Variants in CAMK2G observed in about 807,000 individuals in gnomAD.
The protein encoded by CAMK2G is calcium/calmodulin-dependent protein kinase type II subunit gamma.
In CAMK2G, 23 loss-of-function variants were observed where a neutral mutation model predicts 88.7. The observed-to-expected ratio is 0.26, with a 90% CI of 0.19 to 0.37. The LOEUF (loss-of-function observed/expected upper bound fraction) is 0.37. CAMK2G is among the 10% of genes least tolerant of loss of function. The pLI is 1.00. For missense variants in CAMK2G, 476 were observed against 780.8 expected (o/e 0.61, Z 4.65); for synonymous variants, 263 against 294.8 (o/e 0.89, Z 1.11).
In CAMK2G at chr10:73,844,095, A is replaced by ATGT. The variant is rs1247368836; in HGVS notation, c.820-1555_820-1554insACA. Among the ~76,000 whole-genome samples, 8 of 145,730 alleles carry ATGT rather than the reference A, an allele frequency of 5.5e-5. No individual in the cohort carries two copies. In the East Asian group the frequency reaches 1.6e-3, roughly 29 times the overall value. On this transcript the variant is annotated intron_variant, in intron 10 of 22. Transcript: ENST00000423381. The stretch of plus-strand genomic sequence containing the variant: ...GTTAAGCCTCTCCTTAAACAAAAAA[A>ATGT]TTTTTTTTTTTTTTTGAAACAGCAT...
At position 73,853,571 on chromosome 10, in the gene CAMK2G, G is replaced by A. The variant is rs115192011; in HGVS notation, c.221-325C>T. 8.2e-3 allele frequency among the ~76,000 whole-genome samples: 1,245 copies of A among 152,370 alleles called. 15 individuals are homozygous for A. The highest frequency in any genetic ancestry group is 0.028 in the African/African-American group (1,184 of 41,586). ...TGGTCCTGGGATATGATGCACGATGGTGAGATGCAGCGTGAGCAGCACCTA... is the reference window on the plus strand; with the variant it reads ...TGGTCCTGGGATATGATGCACGATGATGAGATGCAGCGTGAGCAGCACCTA... On this transcript the variant is annotated intron_variant, in intron 3 of 22. Transcript: ENST00000423381.
At position 73,873,099 on chromosome 10, in the gene CAMK2G, GA is replaced by G; in HGVS notation, c.66-17del. 6.4e-7 allele frequency: 1 copy of G among 1,552,362 alleles called. No individual in the cohort carries two copies. The highest frequency in any genetic ancestry group is 8.9e-7 in the Non-Finnish European group (1 of 1,123,970). ...GAAAGCACCCCTGGAGGGAGAAGGG[GA>G]AAAGAACTGGGACACGGAGCAGGGC... On this transcript the variant is annotated splice_polypyrimidine_tract_variant and intron_variant, in intron 1 of 22. Transcript: ENST00000423381.
rs1402659642 is a variant in CAMK2G at position 73,873,062 on chromosome 10, G to C, written c.87C>G (p.Arg29=). ...GCGTGGAGGTTTTCTTCACACACCT[G>C]CGGACCACAGAGAAAGCACCCCTGG... ...ELGKGAFSVV[R]RCVKKTSTQE... The change falls in exon 2 of 23, where the codon CGC becomes CGG. Residue 29 remains arginine (R), a synonymous_variant. Transcript: ENST00000423381. 2 of 1,612,752 alleles carry C rather than the reference G, an allele frequency of 1.2e-6. No individual in the cohort carries two copies. The highest frequency in any genetic ancestry group is 3.3e-5 in the Admixed American group (2 of 59,986).
chr10:73,845,689 C>A lies in CAMK2G; in HGVS notation c.819+1536G>T, dbSNP rs544148677. Among the ~76,000 whole-genome samples the A allele has an allele frequency of 2.0e-5, 3 of 152,170 alleles. No individual in the cohort carries two copies. In the East Asian group the frequency reaches 5.8e-4, roughly 29 times the overall value. The stretch of plus-strand genomic sequence containing the variant: ...CTCTCCGCTCAACTTGAAACCTGGC[C>A]TCTCTCTTCTTTGCTCCCCCCAAAT... On this transcript the variant is annotated intron_variant, in intron 10 of 22. Transcript: ENST00000423381.
chr10:73,861,319 C>T (rs940080008), intron 2 of CAMK2G, among the ~76,000 whole-genome samples: 15 of 152,318 alleles, frequency 9.8e-5, no homozygotes, highest in African/African-American at 3.1e-4. Context: ...GTGCTCTTTC[C>T]ACCACAACAG....
Position 73,821,865 on chromosome 10 carries a change from GCTGT to G in CAMK2G, c.1201-139_1201-136del, listed in dbSNP as rs1363669157. 3 of 706,942 alleles carry G rather than the reference GCTGT, an allele frequency of 4.2e-6. No individual in the cohort carries two copies. In the East Asian group the frequency reaches 8.1e-5, roughly 19 times the overall value. The allele number at this position is 706,942 out of a possible 1,614,324, so 43.8% of individuals were successfully genotyped here. ...TGTGGAAGGTTCTGCTTCCACCCTG[GCTGT>G]CTGACTCTTCCCAAATCCCCTCCCT... On this transcript the variant is annotated intron_variant, in intron 17 of 22. Transcript: ENST00000423381.
At position 73,842,585 on chromosome 10, in the gene CAMK2G, C is replaced by A; in HGVS notation, c.820-44G>T. 1 of 1,382,990 alleles carries A rather than the reference C, an allele frequency of 7.2e-7. No homozygotes were observed. The highest frequency in any genetic ancestry group is 1.0e-6 in the Non-Finnish European group (1 of 970,398). The allele number at this position is 1,382,990 out of a possible 1,614,324, so 85.7% of individuals were successfully genotyped here. ...GGCTATGAGCCCCAGCCCAGATCCT[C>A]TGCGCCTCCCACAGTCCTGGCACCG... On this transcript the variant is annotated intron_variant, in intron 10 of 22. Coordinates refer to ENST00000423381, the MANE Select transcript of CAMK2G (RefSeq NM_001367534.1). This position sits in a 1 kb window ranked among gnomAD's most constrained non-coding sequence, Gnocchi z 4.6.
At chr10:73,871,699 G>C (rs902695039) in intron 2 of CAMK2G, among the ~76,000 whole-genome samples, 1 of 151,882 alleles carries the variant, frequency 6.6e-6, no homozygotes, top group African/African-American at 2.4e-5. Context: ...GGTACCCAGA[G>C]AGAAAGAAAA....
intron 14 of CAMK2G, among the ~76,000 whole-genome samples, chr10:73,833,600 CTTTT>C (rs60516273): frequency 7.0e-6 from 1 of 143,868 alleles, no homozygotes. Flanking sequence ...ATCTATCTTC[CTTTT>C]TTTTTTTTTG....
At chr10:73,826,967 C>T (rs545482042) in intron 15 of CAMK2G, among the ~76,000 whole-genome samples, 7 of 152,304 alleles carry the variant, frequency 4.6e-5, no homozygotes, top group East Asian at 1.9e-4. Context: ...AGTAGTGAGA[C>T]GGTGGGTCTA....
chr10:73,842,560 G>C lies in CAMK2G; in HGVS notation c.820-19C>G, dbSNP rs1259899459. ...ATCGTTGCTAGAAACCAAACAGACA[G>C]GCTATGAGCCCCAGCCCAGATCCTC... On this transcript the variant is annotated intron_variant, in intron 10 of 22. Coordinates refer to ENST00000423381, the MANE Select transcript of CAMK2G (RefSeq NM_001367534.1). This position sits in a 1 kb window ranked among gnomAD's most constrained non-coding sequence, Gnocchi z 4.6. The C allele has an allele frequency of 3.2e-6, 5 of 1,582,468 alleles. No individual in the cohort carries two copies. The African/African-American group carries it at 5.4e-5, about 17-fold the overall frequency.
chr10:73,865,621 T>G (rs1046658802), intron 2 of CAMK2G, among the ~76,000 whole-genome samples: 1 of 152,142 alleles, frequency 6.6e-6, no homozygotes, highest in Non-Finnish European at 1.5e-5. Flanking sequence ...AGTAGTGGTT[T>G]CTAGAGCATC....
chr10:73,873,530 G>A, intron 1 of CAMK2G: 2 of 1,002,052 alleles, frequency 2.0e-6, no homozygotes, highest in Non-Finnish European at 2.4e-6. Flanking sequence ...TCCCCTGAAA[G>A]AGAAATCTCC....
At chr10:73,863,841 C>T (rs1591286727) in intron 2 of CAMK2G, among the ~76,000 whole-genome samples, 1 of 152,194 alleles carries the variant, frequency 6.6e-6, no homozygotes, top group African/African-American at 2.4e-5. Context: ...TCAGCCTTAA[C>T]TCCAAGGAGC....
At chr10:73,824,288 C>T (rs1020276948) in intron 16 of CAMK2G, among the ~76,000 whole-genome samples, 2 of 152,188 alleles carry the variant, frequency 1.3e-5, no homozygotes, top group Non-Finnish European at 2.9e-5. Flanking sequence ...GGCAGCAGCA[C>T]TGGGCTGGTA....
chr10:73,873,474 G>C, intron 1 of CAMK2G: 1 of 1,043,320 alleles, frequency 9.6e-7, no homozygotes, highest in Non-Finnish European at 1.2e-6. Context: ...TCTCTCAGCA[G>C]GAACAGTTGA....
At chr10:73,856,814 C>T (rs1374743582) in intron 3 of CAMK2G, among the ~76,000 whole-genome samples, 1 of 152,228 alleles carries the variant, frequency 6.6e-6, no homozygotes, top group African/African-American at 2.4e-5. Flanking sequence ...AAAACACCTA[C>T]AAACCTTTAC....
At position 73,856,967 on chromosome 10, in the gene CAMK2G, T is replaced by C. The variant is rs553579743; in HGVS notation, c.221-3721A>G. On this transcript the variant is annotated intron_variant, in intron 3 of 22. Coordinates refer to ENST00000423381, the MANE Select transcript of CAMK2G (RefSeq NM_001367534.1). ...AAAAGCACTGAAAAAGTGTTGCTGT[T>C]AAAAATATCTGCAGCAATAACACAG... Among the ~76,000 whole-genome samples the C allele has an allele frequency of 1.7e-4, 26 of 152,280 alleles. No individual in the cohort carries two copies. The South Asian group carries it at 2.5e-3, about 15-fold the overall frequency.
At chr10:73,817,419 G>A (rs2086033320) in intron 20 of CAMK2G, 60 bp downstream of exon 20, 1 of 1,189,942 alleles carries the variant, frequency 8.4e-7, no homozygotes, top group Non-Finnish European at 1.3e-6. Flanking sequence ...TTGTTGTCTG[G>A]AAGCAGGGAA....
Sources: allele counts gnomAD v4.1 joint callset (sites outside exome capture counted in the v4.1 genomes callset), GRCh38; gene constraint gnomAD v4.1.1; non-coding constraint Gnocchi (gnomAD v3.1); transcripts MANE v1.5; gene names NCBI Gene and HGNC (gene_info 2026-07-23, HGNC 2026-07-21).